The following CELSR2 variants were observed in gnomAD, a reference collection of about 807,000 sequenced individuals.
CELSR2 encodes EGF-like protein 2.
In CELSR2, 81 loss-of-function variants were observed where a neutral mutation model predicts 251.6. That is an observed-to-expected ratio of 0.32 (90% CI 0.27 to 0.39). The LOEUF is 0.39. Ranked by LOEUF, CELSR2 falls within the 10% of genes least tolerant of loss-of-function variation. The pLI is 1.00. For missense variants in CELSR2, 3,365 were observed against 3,947.7 expected (o/e 0.85, Z 3.96); for synonymous variants, 1,721 against 1,670.5 (o/e 1.03, Z -0.74).
At position 109,271,735 on chromosome 1, in the gene CELSR2, G is replaced by A; in HGVS notation, c.7926+13G>A. On this transcript the variant is annotated intron_variant, in intron 28 of 33. Coordinates refer to ENST00000271332, the MANE Select transcript of CELSR2 (RefSeq NM_001408.3). The stretch of plus-strand genomic sequence containing the variant: ...CACCCTGACCTCGGTGAGGGAGCCA[G>A]GGGTCTCAGGAGGGCGGTGAAGGGA... 6.2e-7 allele frequency: 1 copy of A among 1,613,200 alleles called. No individual in the cohort carries two copies. The highest frequency in any genetic ancestry group is 8.5e-7 in the Non-Finnish European group (1 of 1,179,706).
intron 23 of CELSR2, 30 bp downstream of exon 23, chr1:109,270,163 C>A (rs745956102): frequency 1.4e-5 from 22 of 1,607,504 alleles, no homozygotes; most frequent in East Asian, 2.2e-5. Context: ...CAGAAACTGT[C>A]CCCACCTTCT....
chr1:109,253,872 C>G (rs1191200698), intron 1 of CELSR2, among the ~76,000 whole-genome samples: 1 of 152,254 alleles, frequency 6.6e-6, no homozygotes, highest in Admixed American at 6.5e-5. Context: ...GCTGCCGCCA[C>G]CCAGGGGTCA....
chr1:109,265,575 G>A (rs1477356824), intron 13 of CELSR2, among the ~76,000 whole-genome samples, 160 bp from the exon 14 acceptor site: 1 of 152,198 alleles, frequency 6.6e-6, no homozygotes, highest in African/African-American at 2.4e-5. Flanking sequence ...TCGCTGATGG[G>A]CTCAACTCCA....
At chr1:109,253,932 G>A (rs1655776127) in intron 1 of CELSR2, among the ~76,000 whole-genome samples, 1 of 152,254 alleles carries the variant, frequency 6.6e-6, no homozygotes, top group East Asian at 1.9e-4. Flanking sequence ...CTGAGCTGCA[G>A]AATCGGCTGA....
chr1:109,258,547 G>A lies in CELSR2; in HGVS notation c.3426G>A (p.Leu1142=), dbSNP rs1405591369. The A allele has an allele frequency of 1.2e-6, 2 of 1,605,130 alleles. No individual in the cohort carries two copies. Among genetic ancestry groups the A allele is most frequent in the African/African-American group, 1.3e-5 (1 of 74,908 alleles). ...RLEDMSPERF[L]SPLLGLFIQA... is the part of the protein sequence containing the mutation. Reference sequence around the variant, plus strand: ...AGGACATGTCACCCGAGCGCTTCCTGTCACCACTGCTAGGCCTCTTCATCC... The same window carrying A: ...AGGACATGTCACCCGAGCGCTTCCTATCACCACTGCTAGGCCTCTTCATCC... Residue 1142 remains leucine, a synonymous_variant, in exon 2 of 34, where the codon CTG becomes CTA. Coordinates refer to ENST00000271332, the MANE Select transcript of CELSR2 (RefSeq NM_001408.3).
chr1:109,265,429 T>C (rs1360168227), intron 13 of CELSR2, 118 bp downstream of exon 13: 1 of 1,199,442 alleles, frequency 8.3e-7, no homozygotes. Context: ...CCTTGTGCCT[T>C]TGCTCTCACA....
At chr1:109,256,821 A>G (rs992908409) in intron 1 of CELSR2, among the ~76,000 whole-genome samples, 5 of 152,076 alleles carry the variant, frequency 3.3e-5, no homozygotes, top group Non-Finnish European at 7.4e-5. Context: ...CACCACGCCC[A>G]ACTAATTTTT....
chr1:109,250,223 G>T lies in CELSR2; in HGVS notation c.144G>T (p.Ser48=). The T allele has an allele frequency of 6.2e-7, 1 of 1,603,112 alleles. No homozygotes were observed. The highest frequency in any genetic ancestry group is 8.5e-7 in the Non-Finnish European group (1 of 1,175,468). ...RSLGSRGRGS[S]GACAPMGWLC... ...TGGGGTCCAGGGGACGAGGCTCTTC[G>T]GGGGCCTGCGCCCCCATGGGCTGGC... Residue 48 remains serine, a synonymous_variant, in exon 1 of 34, where the codon TCG becomes TCT. Transcript: ENST00000271332. This position sits in a 1 kb window ranked among gnomAD's most constrained non-coding sequence, Gnocchi z 4.4.
At chr1:109,273,846 G>A (rs1570797062) in intron 33 of CELSR2, 176 bp downstream of exon 33, 1 of 1,056,652 alleles carries the variant, frequency 9.5e-7, no homozygotes, top group East Asian at 2.4e-5. Context: ...CTTGCGGGGA[G>A]GGCCACCCCT....
At chr1:109,266,030 A>G in intron 14 of CELSR2, 75 bp from the exon 15 acceptor site, 1 of 1,592,586 alleles carries the variant, frequency 6.3e-7, no homozygotes, top group South Asian at 1.1e-5. Context: ...GGGGAGGCCT[A>G]GGGAGGGCTG....
chr1:109,257,970 C>A (rs1158497995), intron 1 of CELSR2, among the ~76,000 whole-genome samples: 1 of 152,184 alleles, frequency 6.6e-6, no homozygotes, highest in Non-Finnish European at 1.5e-5. Flanking sequence ...CCCCCCCACC[C>A]CCGCCAACTC....
Position 109,251,736 on chromosome 1 carries a change from T to C in CELSR2, c.1657T>C (p.Phe553Leu), listed in dbSNP as rs1296951838. The C allele has an allele frequency of 6.2e-7, 1 of 1,614,078 alleles. No individual in the cohort carries two copies. Among genetic ancestry groups the C allele is most frequent in the Admixed American group, 1.7e-5 (1 of 60,022 alleles). ...RLAGVGHDFP[F>L]TINNGTGWIS... is the part of the protein sequence containing the mutation. ...TGCTGGGGTGGGACATGACTTCCCC[T>C]TCACCATCAACAATGGCACAGGCTG... The change falls in exon 1 of 34, where the codon TTC becomes CTC. Residue 553 changes from phenylalanine (F) to leucine (L), a missense_variant. This residue lies in a region of CELSR2 where 704 missense variants were observed against 784.1 expected (regional missense o/e 0.90). Transcript: ENST00000271332. This position sits in a 1 kb window ranked among gnomAD's most constrained non-coding sequence, Gnocchi z 4.9.
chr1:109,274,248 C>G lies in CELSR2; in HGVS notation c.*199C>G, dbSNP rs1168799265. On this transcript the variant is annotated 3_prime_UTR_variant, in exon 34 of 34. Transcript: ENST00000271332. ...AGGCCATCTAGTGCCAACTCCCCCC[C>G]CACCATTCCCCTCACTGCACTTTGG... is the stretch of plus-strand genomic sequence containing the variant. 4.5e-6 allele frequency: 6 copies of G among 1,337,162 alleles called. No individual in the cohort carries two copies. Among genetic ancestry groups the G allele is most frequent in the Admixed American group, 2.7e-5 (1 of 37,588 alleles). 82.8% of individuals were successfully genotyped at this position (1,337,162 alleles called of 1,614,324 possible). A position where few individuals can be genotyped will look rare whatever the true frequency, so the allele number is the denominator to read the frequency against.
chr1:109,257,973 G>A lies in CELSR2; in HGVS notation c.3311-459G>A, dbSNP rs180845734. Among the ~76,000 whole-genome samples the A allele has an allele frequency of 1.4e-3, 218 of 152,260 alleles. 6 individuals carry two copies. In the East Asian group the frequency reaches 0.035, roughly 24 times the overall value. On this transcript the variant is annotated intron_variant, in intron 1 of 33. Coordinates refer to ENST00000271332, the MANE Select transcript of CELSR2 (RefSeq NM_001408.3). ...AGTTTACCCACTCCCCCCCACCCCC[G>A]CCAACTCCCTGCTGCTGTGGGGGAG... is the stretch of plus-strand genomic sequence containing the variant.
chr1:109,260,667 C>T (rs1189704690), intron 2 of CELSR2, among the ~76,000 whole-genome samples: 1 of 152,136 alleles, frequency 6.6e-6, no homozygotes, highest in Non-Finnish European at 1.5e-5. Flanking sequence ...CAGGACACCC[C>T]CAGGTGTGCT....
rs1005448666 is a variant in CELSR2 at position 109,268,589 on chromosome 1, G to A, written c.6327G>A (p.Leu2109=). ...TQDVHFTENL[L]RVGSALLDTA... is the part of the protein sequence containing the mutation. ...GACCTTGCCCACCCCAGAATCTGCT[G>A]CGGGTGGGCAGCGCCCTCCTGGACA... The change falls in exon 18 of 34, where the codon CTG becomes CTA. Residue 2109 remains leucine, a synonymous_variant. Transcript: ENST00000271332. 12 of 1,608,784 alleles carry A rather than the reference G, an allele frequency of 7.5e-6. No individual in the cohort carries two copies. The highest frequency in any genetic ancestry group is 1.3e-5 in the African/African-American group (1 of 74,842).
rs1388043247 is a variant in CELSR2 at position 109,273,453 on chromosome 1, T to C, written c.8527T>C (p.Cys2843Arg). Residue 2843 changes from cysteine (C) to arginine (R), a missense_variant, in exon 33 of 34, where the codon TGT becomes CGT. Physicochemically the swap from Cys to Arg is radical, Grantham distance 180. Coordinates refer to ENST00000271332, the MANE Select transcript of CELSR2 (RefSeq NM_001408.3). ...QPHKGILKKK[C>R]LPTISEKSSL... Reference sequence around the variant, plus strand: ...GCCCACAGGCATCCTTAAGAAGAAGTGTCTGCCCACCATCAGCGAGAAGAG... The same window carrying C: ...GCCCACAGGCATCCTTAAGAAGAAGCGTCTGCCCACCATCAGCGAGAAGAG... The C allele has an allele frequency of 6.2e-7, 1 of 1,612,098 alleles. No individual in the cohort carries two copies. The highest frequency in any genetic ancestry group is 1.1e-5 in the South Asian group (1 of 90,836).
chr1:109,261,247 C>A lies in CELSR2; in HGVS notation c.4164C>A (p.His1388Gln). The change falls in exon 3 of 34, where the codon CAC becomes CAA. Residue 1388 changes from histidine to glutamine, a missense_variant. Transcript: ENST00000271332. The surrounding 1 kb of genome is among the most constrained non-coding windows in gnomAD (Gnocchi z 4.8). ...TTCGCGGCCTGCGCCAGCGTTTCCACTTCACCCTGGCCCTCTCGTGAGTGG... is the reference window on the plus strand; with the variant it reads ...TTCGCGGCCTGCGCCAGCGTTTCCAATTCACCCTGGCCCTCTCGTGAGTGG... ...ITFRGLRQRF[H>Q]FTLALSFATK... The A allele has an allele frequency of 6.2e-7, 1 of 1,613,492 alleles. No homozygotes were observed. Among genetic ancestry groups the A allele is most frequent in the Non-Finnish European group, 8.5e-7 (1 of 1,179,986 alleles).
intron 1 of CELSR2, among the ~76,000 whole-genome samples, chr1:109,255,915 G>A (rs1655830140): frequency 6.6e-6 from 1 of 152,242 alleles, no homozygotes; most frequent in African/African-American, 2.4e-5. Context: ...TGCTGGGAGA[G>A]GGGCCCAGGC....
Sources: gnomAD v4.1 joint callset for allele counts (sites outside exome capture counted in the v4.1 genomes callset) on GRCh38, gnomAD v4.1.1 for gene constraint, gnomAD v4.1.1 regional missense constraint, Gnocchi (gnomAD v3.1) non-coding constraint, MANE v1.5 for transcripts, NCBI Gene and HGNC (gene_info 2026-07-23, HGNC 2026-07-21) for gene names.